PTCH1: variants seen among roughly 807,000 people sequenced by gnomAD.
The protein encoded by PTCH1 is patched 1.
In PTCH1, 14 loss-of-function variants were observed where a neutral mutation model predicts 144.6. That is an observed-to-expected ratio of 0.10 (90% CI 0.06 to 0.15). The LOEUF (loss-of-function observed/expected upper bound fraction) is 0.15, where lower values mean the gene tolerates loss of function less well. Among genes scored for constraint, PTCH1 ranks in the 10% least tolerant of loss-of-function variants. The pLI, the probability that PTCH1 is intolerant of heterozygous loss-of-function variation, is 1.00. For synonymous variants in PTCH1, 833 were observed against 793.6 expected (o/e 1.05, Z -0.83); for missense variants, 1,623 against 1,948.3 (o/e 0.83, Z 3.14).
At chr9:95,455,631 T>C (rs564105830) in intron 19 of PTCH1, among the ~76,000 whole-genome samples, 1 of 152,166 alleles carries the variant, frequency 6.6e-6, no homozygotes, top group Non-Finnish European at 1.5e-5. Context: ...CAGGGCAAGA[T>C]AGAGAAAAAG....
At chr9:95,471,260 G>T (rs1840556402) in intron 12 of PTCH1, among the ~76,000 whole-genome samples, 1 of 152,204 alleles carries the variant, frequency 6.6e-6, no homozygotes, top group African/African-American at 2.4e-5. Context: ...GATGGGAATT[G>T]TGAGTTTATG....
chr9:95,507,875 G>A (rs1010822430), intron 1 of PTCH1: 15 of 1,247,446 alleles, frequency 1.2e-5, no homozygotes, highest in African/African-American at 1.6e-5. Flanking sequence ...CCAGTGCTCC[G>A]GAAAAGGCAC....
chr9:95,508,705 G>A lies in PTCH1; in HGVS notation c.-344C>T, dbSNP rs1415792162. ...GCGCGCCGAGCGAGCCTGTCCTTCG[G>A]GCGCTTCCGCGGCACTCCTTGCGGT... is the stretch of plus-strand genomic sequence containing the variant. On this transcript the variant is annotated 5_prime_UTR_variant, in exon 1 of 24. Coordinates refer to ENST00000331920, the MANE Select transcript of PTCH1 (RefSeq NM_000264.5). 41 of 986,810 alleles carry A rather than the reference G, an allele frequency of 4.2e-5. No homozygotes were observed. The Admixed American group carries it at 4.3e-4, about 10-fold the overall frequency. 61.1% of individuals were successfully genotyped at this position (986,810 alleles called of 1,614,324 possible).
intron 15 of PTCH1, among the ~76,000 whole-genome samples, chr9:95,463,656 A>G (rs1176007483): frequency 1.3e-5 from 2 of 152,032 alleles, no homozygotes; most frequent in Non-Finnish European, 2.9e-5. Context: ...TCCTGAAGAG[A>G]GGCTCACACT....
At chr9:95,492,261 C>T (rs1435324578) in intron 2 of PTCH1, among the ~76,000 whole-genome samples, 1 of 152,216 alleles carries the variant, frequency 6.6e-6, no homozygotes, top group African/African-American at 2.4e-5. Context: ...TGCTATTGTG[C>T]TGCTTGGGTA....
intron 9 of PTCH1, 66 bp downstream of exon 9, chr9:95,477,989 G>C: frequency 3.1e-6 from 5 of 1,609,918 alleles, no homozygotes; most frequent in Non-Finnish European, 4.2e-6. Flanking sequence ...GAGCAGTCAT[G>C]GAAAAGTAAA....
At position 95,443,654 on chromosome 9, in the gene PTCH1, A is replaced by G. The variant is rs1006442531; in HGVS notation, c.*2739T>C. ...TTTACAATGAAAACTGTGCCCACTC[A>G]TGTCTCAGCAAAGTTCCAGACATTA... On this transcript the variant is annotated 3_prime_UTR_variant, in exon 24 of 24. Transcript: ENST00000331920. The G allele has an allele frequency of 6.6e-6, 1 of 152,616 alleles. No homozygotes were observed. The highest frequency in any genetic ancestry group is 1.5e-5 in the Non-Finnish European group (1 of 68,042). 9.5% of individuals were successfully genotyped at this position (152,616 alleles called of 1,614,324 possible).
intron 22 of PTCH1, 120 bp downstream of exon 22, chr9:95,448,949 A>G: frequency 7.1e-7 from 1 of 1,400,274 alleles, no homozygotes; most frequent in Non-Finnish European, 9.9e-7. Flanking sequence ...TCTGTACCTT[A>G]TCTCTGCATC....
chr9:95,447,215 G>A lies in PTCH1; in HGVS notation c.4041C>T (p.His1347=), dbSNP rs774524114. 3.1e-6 allele frequency: 5 copies of A among 1,612,858 alleles called. No homozygotes were observed. Among genetic ancestry groups the A allele is most frequent in the Admixed American group, 1.7e-5 (1 of 60,012 alleles). ...CAGTGGACGCTGGGTTCCGAGGGTT[G>A]TGAGAACGGGCCCCGCGAGGGCCCC... ...ARWGPRGARS[H]NPRNPASTAM... Residue 1347 remains histidine, a synonymous_variant, in exon 23 of 24, where the codon CAC becomes CAT. Transcript: ENST00000331920.
At chr9:95,500,919 A>C (rs1843103614) in intron 2 of PTCH1, among the ~76,000 whole-genome samples, 1 of 152,190 alleles carries the variant, frequency 6.6e-6, no homozygotes, top group South Asian at 2.1e-4. Flanking sequence ...AATATAAATT[A>C]TTTCTTTCTT....
chr9:95,509,640 G>T (rs1412828037), upstream of PTCH1, among the ~76,000 whole-genome samples: 2 of 152,288 alleles, frequency 1.3e-5, no homozygotes, highest in East Asian at 1.9e-4. Context: ...TTTGCCTCGC[G>T]GTAGACACGG....
chr9:95,475,026 A>G (rs990978182), intron 12 of PTCH1, among the ~76,000 whole-genome samples: 3 of 151,794 alleles, frequency 2.0e-5, no homozygotes, highest in African/African-American at 7.3e-5. Flanking sequence ...AATTCACAAA[A>G]CCCCCACAAC....
At chr9:95,461,378 A>T (rs551715459) in intron 16 of PTCH1, among the ~76,000 whole-genome samples, 1 of 152,232 alleles carries the variant, frequency 6.6e-6, no homozygotes, top group South Asian at 2.1e-4. Flanking sequence ...TCTCAAATGT[A>T]ACAAATCTTC....
At chr9:95,470,295 T>C (rs1337925499) in intron 12 of PTCH1, among the ~76,000 whole-genome samples, 2 of 152,202 alleles carry the variant, frequency 1.3e-5, no homozygotes, top group African/African-American at 4.8e-5. Flanking sequence ...CCTTCCAGAA[T>C]GCTTCCAAGA....
At chr9:95,490,097 T>C (rs981957432) in intron 2 of PTCH1, among the ~76,000 whole-genome samples, 1 of 151,082 alleles carries the variant, frequency 6.6e-6, no homozygotes, top group African/African-American at 2.4e-5. Flanking sequence ...CCACTGCACC[T>C]GGCCGGACTA....
chr9:95,491,121 T>C (rs60943584), intron 2 of PTCH1, among the ~76,000 whole-genome samples: 3,366 of 152,298 alleles, frequency 0.022, 122 homozygotes, highest in African/African-American at 0.076. Flanking sequence ...AGAAAAATCA[T>C]TATCTCAGGA....
chr9:95,468,841 G>A lies in PTCH1; in HGVS notation c.2160C>T (p.Leu720=), dbSNP rs1840281625. The A allele has an allele frequency of 6.2e-7, 1 of 1,614,190 alleles. No homozygotes were observed. Among genetic ancestry groups the A allele is most frequent in the Non-Finnish European group, 8.5e-7 (1 of 1,180,038 alleles). ...DLLSQFSDSS[L]HCLEPPCTKW... The stretch of plus-strand genomic sequence containing the variant: ...TCGTACAGGGGGGCTCGAGGCAGTG[G>A]AGGCTGGAGTCGGAGAACTGGGAGA... The change falls in exon 14 of 24, where the codon CTC becomes CTT. Residue 720 remains leucine (L), a synonymous_variant. Coordinates refer to ENST00000331920, the MANE Select transcript of PTCH1 (RefSeq NM_000264.5).
intron 2 of PTCH1, among the ~76,000 whole-genome samples, chr9:95,504,313 A>T (rs1328360605): frequency 6.6e-6 from 1 of 152,212 alleles, no homozygotes; most frequent in Non-Finnish European, 1.5e-5. Context: ...AGCTCCCATA[A>T]AACTGCTAGG....
chr9:95,447,563 A>G (rs1838073474), intron 22 of PTCH1, 112 bp from the exon 23 acceptor site: 2 of 1,174,124 alleles, frequency 1.7e-6, no homozygotes, highest in Non-Finnish European at 2.4e-6. Context: ...AACCCTGGGG[A>G]GCCAATGGGG....
Sources: allele counts gnomAD v4.1 joint callset (sites outside exome capture counted in the v4.1 genomes callset), GRCh38; gene constraint gnomAD v4.1.1; transcripts MANE v1.5; gene names NCBI Gene and HGNC (gene_info 2026-07-23, HGNC 2026-07-21).